Variants in CACNA2D3 observed in about 807,000 individuals in gnomAD.
CACNA2D3 encodes calcium voltage-gated channel auxiliary subunit alpha2delta 3.
A neutral mutation model predicts 160.6 loss-of-function variants in CACNA2D3; 60 were observed. The observed-to-expected ratio is 0.37, with a 90% CI of 0.30 to 0.46. The LOEUF (loss-of-function observed/expected upper bound fraction) is 0.46, where lower values mean the gene tolerates loss of function less well. Ranked by LOEUF, CACNA2D3 falls within the 20% of genes least tolerant of loss-of-function variation. CACNA2D3 has a pLI of 1.00. For synonymous variants in CACNA2D3, 558 were observed against 492.9 expected (o/e 1.13, Z -1.75); for missense variants, 1,205 against 1,365.0 (o/e 0.88, Z 1.85).
chr3:54,381,346 A>G (rs1699099486), intron 3 of CACNA2D3, among the ~76,000 whole-genome samples: 2 of 151,988 alleles, frequency 1.3e-5, no homozygotes, highest in African/African-American at 4.8e-5. Flanking sequence ...CAATTTGTTC[A>G]TTGTGATAAA....
chr3:54,932,677 T>C (rs1701219687), intron 27 of CACNA2D3, among the ~76,000 whole-genome samples: 1 of 152,170 alleles, frequency 6.6e-6, no homozygotes, highest in Non-Finnish European at 1.5e-5. Context: ...GGTCTCTACG[T>C]GTGATGAGCC....
chr3:55,067,564 T>C (rs888171889), intron 35 of CACNA2D3, among the ~76,000 whole-genome samples: 2 of 152,208 alleles, frequency 1.3e-5, no homozygotes, highest in Non-Finnish European at 1.5e-5. Context: ...AAGACATTAA[T>C]ACATTCTCCT....
chr3:54,376,082 G>A (rs992147628), intron 3 of CACNA2D3, among the ~76,000 whole-genome samples: 3 of 152,106 alleles, frequency 2.0e-5, no homozygotes, highest in Non-Finnish European at 2.9e-5. Flanking sequence ...GATCACGTGG[G>A]TCTTATGGCC....
At chr3:54,366,856 T>C (rs1410229180) in intron 3 of CACNA2D3, among the ~76,000 whole-genome samples, 2 of 152,242 alleles carry the variant, frequency 1.3e-5, no homozygotes, top group Admixed American at 1.3e-4. Context: ...TTATCCCAAA[T>C]GATTCTGCAA....
At chr3:54,790,321 G>A (rs1412987430) in intron 13 of CACNA2D3, among the ~76,000 whole-genome samples, 1 of 152,168 alleles carries the variant, frequency 6.6e-6, no homozygotes, top group African/African-American at 2.4e-5. Flanking sequence ...TGCTGGTGCT[G>A]TGGCAGCCAA....
intron 11 of CACNA2D3, among the ~76,000 whole-genome samples, chr3:54,670,474 A>T (rs1048121361): frequency 1.3e-5 from 2 of 152,154 alleles, no homozygotes; most frequent in Non-Finnish European, 2.9e-5. Flanking sequence ...AGGCGCAAAT[A>T]ATGGAGCAAA....
At chr3:54,786,137 CTTCTTG>C (rs1702637556) in intron 13 of CACNA2D3, among the ~76,000 whole-genome samples, 1 of 152,220 alleles carries the variant, frequency 6.6e-6, no homozygotes, top group Non-Finnish European at 1.5e-5. Flanking sequence ...CATAGAACCA[CTTCTTG>C]TTCTTGTTAG....
intron 5 of CACNA2D3, among the ~76,000 whole-genome samples, chr3:54,540,276 C>T (rs369278908): frequency 1.0e-3 from 158 of 152,264 alleles, no homozygotes; most frequent in African/African-American, 3.6e-3. Flanking sequence ...CAGCGTTTCT[C>T]CCCTGGCTAA....
chr3:54,594,017 C>A (rs1356332083), intron 9 of CACNA2D3, among the ~76,000 whole-genome samples: 1 of 152,000 alleles, frequency 6.6e-6, no homozygotes, highest in Admixed American at 6.6e-5. Flanking sequence ...TTGAAAATAA[C>A]CAATATACTA....
chr3:54,964,040 C>T (rs1373533866), intron 27 of CACNA2D3, among the ~76,000 whole-genome samples: 2 of 152,166 alleles, frequency 1.3e-5, no homozygotes, highest in Non-Finnish European at 2.9e-5. Context: ...GAATATTTCA[C>T]ATGAAAGGAT....
chr3:54,659,156 G>A (rs1204137681), intron 11 of CACNA2D3, among the ~76,000 whole-genome samples: 1 of 152,106 alleles, frequency 6.6e-6, no homozygotes, highest in Non-Finnish European at 1.5e-5. Context: ...CTTTCATCTT[G>A]TAAAAAATTA....
At chr3:54,138,679 G>C (rs556990268) in intron 2 of CACNA2D3, among the ~76,000 whole-genome samples, 1 of 152,206 alleles carries the variant, frequency 6.6e-6, no homozygotes, top group African/African-American at 2.4e-5. Context: ...TGAGGATATC[G>C]TTTAAGTTAA....
chr3:54,533,451 C>T (rs556956997), intron 5 of CACNA2D3, among the ~76,000 whole-genome samples: 4 of 149,258 alleles, frequency 2.7e-5, no homozygotes, highest in African/African-American at 9.8e-5. Flanking sequence ...TCTCTTGCTT[C>T]AGCCTCCCAA....
In CACNA2D3 at chr3:54,554,870, C is replaced by CTTTTTTTTTTTT. The variant is rs66526065; in HGVS notation, c.545-7920_545-7909dup. On this transcript the variant is annotated intron_variant, in intron 5 of 37. Coordinates refer to ENST00000474759, the MANE Select transcript of CACNA2D3 (RefSeq NM_018398.3). ...TTTCTTTTCTTTTCTCTCTCACTCTCTTTTTTTTTTTTTTTTTTTTTGGAG... is the reference window on the plus strand; with the variant it reads ...TTTCTTTTCTTTTCTCTCTCACTCTCTTTTTTTTTTTTTTTTTTTTTTTTTTTTTTTTTGGAG... Among the ~76,000 whole-genome samples, 100 of 96,126 alleles carry CTTTTTTTTTTTT rather than the reference C, an allele frequency of 1.0e-3. 3 individuals are homozygous for CTTTTTTTTTTTT. Among genetic ancestry groups the CTTTTTTTTTTTT allele is most frequent in the African/African-American group, 1.6e-3 (38 of 23,610 alleles). 63.1% of individuals were successfully genotyped at this position (96,126 alleles called of 152,430 possible).
At chr3:54,152,796 G>T (rs1053874766) in intron 2 of CACNA2D3, among the ~76,000 whole-genome samples, 10 of 152,206 alleles carry the variant, frequency 6.6e-5, no homozygotes, top group Admixed American at 5.2e-4. Flanking sequence ...TTGTATTTAA[G>T]TGTGAGAAAA....
chr3:54,669,317 A>G (rs536363580), intron 11 of CACNA2D3, among the ~76,000 whole-genome samples: 15 of 152,234 alleles, frequency 9.9e-5, no homozygotes, highest in Non-Finnish European at 1.9e-4. Context: ...TGTGTGCTCA[A>G]GGAGCATTGT....
chr3:54,942,190 G>T (rs1228886964), intron 27 of CACNA2D3, among the ~76,000 whole-genome samples: 2 of 152,240 alleles, frequency 1.3e-5, no homozygotes, highest in Non-Finnish European at 2.9e-5. Context: ...ATACAACCGT[G>T]TATCTCTGCC....
intron 2 of CACNA2D3, among the ~76,000 whole-genome samples, chr3:54,302,931 C>T (rs570404909): frequency 2.6e-5 from 4 of 152,112 alleles, no homozygotes; most frequent in Admixed American, 2.0e-4. Flanking sequence ...GCTTTTACTC[C>T]AGGATCCTCC....
At chr3:54,271,710 T>C (rs571995750) in intron 2 of CACNA2D3, among the ~76,000 whole-genome samples, 1 of 152,356 alleles carries the variant, frequency 6.6e-6, no homozygotes, top group Non-Finnish European at 1.5e-5. Context: ...TCTCTGGCTC[T>C]CCCTGGAGTT....
Sources: gnomAD v4.1 joint callset for allele counts (sites outside exome capture counted in the v4.1 genomes callset) on GRCh38, gnomAD v4.1.1 for gene constraint, MANE v1.5 for transcripts, NCBI Gene and HGNC (gene_info 2026-07-23, HGNC 2026-07-21) for gene names.